Variants in FOXJ3 observed in about 807,000 individuals in gnomAD.
FOXJ3 encodes the protein forkhead box protein J3.
FOXJ3 carries 22 observed loss-of-function variants against 76.1 expected under a neutral mutation model. The ratio of observed to expected loss-of-function variants is 0.29; its 90% CI spans 0.21 to 0.41. The LOEUF (loss-of-function observed/expected upper bound fraction) is 0.41. FOXJ3 is among the 10% of genes least tolerant of loss of function. The pLI, the probability that FOXJ3 is intolerant of heterozygous loss-of-function variation, is 1.00. For missense variants in FOXJ3, 613 were observed against 762.1 expected, an observed-to-expected ratio of 0.80 and a Z score of 2.30; for synonymous variants, 269 against 261.2, an observed-to-expected ratio of 1.03 and a Z score of -0.29.
chr1:42,245,916 TAA>T (rs1221776051), intron 4 of FOXJ3, among the ~76,000 whole-genome samples: 1 of 152,046 alleles, frequency 6.6e-6, no homozygotes, highest in Admixed American at 6.6e-5. Context: ...TAGAAAATCC[TAA>T]AGACTCCCCC....
chr1:42,211,809 T>C (rs749265666), intron 5 of FOXJ3, among the ~76,000 whole-genome samples: 26 of 152,100 alleles, frequency 1.7e-4, no homozygotes, highest in Non-Finnish European at 2.5e-4. Context: ...GAAACTCATA[T>C]AGAGTTTTCA....
At chr1:42,195,949 T>C (rs1444275471) in intron 7 of FOXJ3, among the ~76,000 whole-genome samples, 1 of 152,250 alleles carries the variant, frequency 6.6e-6, no homozygotes, top group Non-Finnish European at 1.5e-5. Flanking sequence ...AAAATTCTCA[T>C]CTGCCCTTAT....
At chr1:42,303,565 T>C (rs1487985360) in intron 2 of FOXJ3, among the ~76,000 whole-genome samples, 1 of 152,216 alleles carries the variant, frequency 6.6e-6, no homozygotes, top group Non-Finnish European at 1.5e-5. Context: ...AACGGGAAAT[T>C]CATCTGGGGC....
At chr1:42,324,068 A>T (rs1324833694) in intron 1 of FOXJ3, among the ~76,000 whole-genome samples, 51 of 100,696 alleles carry the variant, frequency 5.1e-4, no homozygotes, top group South Asian at 2.1e-3. Context: ...GTATATACAC[A>T]GTGTATATAT....
chr1:42,324,100 CTG>C (rs796457018), intron 1 of FOXJ3, among the ~76,000 whole-genome samples: 2 of 57,460 alleles, frequency 3.5e-5, no homozygotes, highest in Non-Finnish European at 7.2e-5. Flanking sequence ...TGTATATATA[CTG>C]TGTATATACA....
chr1:42,205,483 G>A (rs1266158714), intron 6 of FOXJ3, among the ~76,000 whole-genome samples: 1 of 151,940 alleles, frequency 6.6e-6, no homozygotes, highest in Non-Finnish European at 1.5e-5. Flanking sequence ...TAAAATGCTG[G>A]CTCACAAATT....
intron 2 of FOXJ3, among the ~76,000 whole-genome samples, chr1:42,298,463 T>G (rs2124725224): frequency 6.6e-6 from 1 of 152,348 alleles, no homozygotes; most frequent in Non-Finnish European, 1.5e-5. Context: ...AGCACAGAAA[T>G]GTTCACAGCA....
intron 6 of FOXJ3, 57 bp from the exon 7 acceptor site, chr1:42,199,287 T>C: frequency 1.4e-6 from 2 of 1,480,948 alleles, no homozygotes; most frequent in Admixed American, 1.8e-5. Flanking sequence ...TAAGCAACTC[T>C]GCAAAAATAC....
intron 2 of FOXJ3, among the ~76,000 whole-genome samples, chr1:42,292,677 C>G (rs933802356): frequency 2.4e-4 from 36 of 152,210 alleles, no homozygotes; most frequent in African/African-American, 8.2e-4. Context: ...AGAAGCACTT[C>G]TGGCAACTGC....
At chr1:42,300,782 AC>A (rs1654091561) in intron 2 of FOXJ3, among the ~76,000 whole-genome samples, 1 of 152,138 alleles carries the variant, frequency 6.6e-6, no homozygotes, top group Non-Finnish European at 1.5e-5. Flanking sequence ...TGTCCAAAAA[AC>A]AAAATTAATT....
intron 2 of FOXJ3, among the ~76,000 whole-genome samples, chr1:42,301,861 G>A (rs1654169354): frequency 6.6e-6 from 1 of 151,938 alleles, no homozygotes; most frequent in Non-Finnish European, 1.5e-5. Context: ...GATCCTTCTG[G>A]AGCATTGTTA....
chr1:42,305,401 A>G (rs931106167), intron 2 of FOXJ3, among the ~76,000 whole-genome samples: 3 of 152,222 alleles, frequency 2.0e-5, no homozygotes, highest in Non-Finnish European at 4.4e-5. Context: ...ACTGCTGGGT[A>G]TATACCCAAA....
intron 4 of FOXJ3, among the ~76,000 whole-genome samples, chr1:42,231,337 CCAAA>C (rs758610306): frequency 7.2e-5 from 11 of 151,730 alleles, no homozygotes; most frequent in Admixed American, 5.3e-4. Context: ...AAAAAAGAAA[CCAAA>C]CAAACAAAAA....
At chr1:42,285,730 A>T (rs1653013362) in intron 2 of FOXJ3, among the ~76,000 whole-genome samples, 1 of 146,486 alleles carries the variant, frequency 6.8e-6, no homozygotes. Flanking sequence ...GATTAAAAGG[A>T]CTTATTACTC....
At chr1:42,291,650 T>A (rs557133417) in intron 2 of FOXJ3, among the ~76,000 whole-genome samples, 11 of 151,008 alleles carry the variant, frequency 7.3e-5, no homozygotes, top group Admixed American at 3.3e-4. Flanking sequence ...AAAAAAAAAA[T>A]TTTTGTTTTT....
At chr1:42,294,244 T>C (rs1437907394) in intron 2 of FOXJ3, among the ~76,000 whole-genome samples, 1 of 152,176 alleles carries the variant, frequency 6.6e-6, no homozygotes, top group Non-Finnish European at 1.5e-5. Context: ...ACGCTTTCTG[T>C]AGTGTTTTGC....
chr1:42,322,688 A>G (rs1180419635), intron 1 of FOXJ3, among the ~76,000 whole-genome samples: 2 of 152,136 alleles, frequency 1.3e-5, no homozygotes, highest in Non-Finnish European at 2.9e-5. Context: ...CCTAGACTCA[A>G]TCAGAAGAAA....
chr1:42,300,389 T>C (rs1654060308), intron 2 of FOXJ3, among the ~76,000 whole-genome samples: 1 of 152,204 alleles, frequency 6.6e-6, no homozygotes, highest in Non-Finnish European at 1.5e-5. Flanking sequence ...ACGATCAGTA[T>C]AGTGATGATG....
chr1:42,324,387 T>C (rs2124784200), intron 1 of FOXJ3, among the ~76,000 whole-genome samples: 1 of 147,342 alleles, frequency 6.8e-6, no homozygotes, highest in African/African-American at 2.5e-5. Context: ...ATATAACATA[T>C]AAATACTATA....
Sources: gnomAD v4.1 joint callset for allele counts (sites outside exome capture counted in the v4.1 genomes callset) on GRCh38, gnomAD v4.1.1 for gene constraint, MANE v1.5 for transcripts, NCBI Gene and HGNC (gene_info 2026-07-23, HGNC 2026-07-21) for gene names.